Variants in GALNT18 observed in about 807,000 individuals in gnomAD.
The protein encoded by GALNT18 is GalNAc-transferase 18.
Under a neutral mutation model 69.5 loss-of-function variants are expected in GALNT18, and 44 were observed. The observed-to-expected ratio is 0.63, with a 90% CI of 0.50 to 0.81. The LOEUF is 0.81. Among genes scored for constraint, GALNT18 ranks in the 40% least tolerant of loss-of-function variants. The pLI, the probability that GALNT18 is intolerant of heterozygous loss-of-function variation, is 0.00. For synonymous variants in GALNT18, 364 were observed against 318.2 expected, an observed-to-expected ratio of 1.14 and a Z score of -1.53; for missense variants, 715 against 810.0, an observed-to-expected ratio of 0.88 and a Z score of 1.42.
chr11:11,418,196 G>A (rs1854910513), intron 3 of GALNT18, among the ~76,000 whole-genome samples: 2 of 152,150 alleles, frequency 1.3e-5, no homozygotes, highest in Admixed American at 1.3e-4. Flanking sequence ...AGCCCTCATG[G>A]GGCATACAGC....
intron 1 of GALNT18, among the ~76,000 whole-genome samples, chr11:11,579,456 T>A (rs1162090628): frequency 6.6e-6 from 1 of 152,154 alleles, no homozygotes; most frequent in Non-Finnish European, 1.5e-5. Context: ...CAAACCTCAA[T>A]ATATAATACA....
In GALNT18 at chr11:11,601,951, G is replaced by A. The variant is rs2133946889; in HGVS notation, c.235+19408C>T. 6.6e-6 allele frequency among the ~76,000 whole-genome samples: 1 copy of A among 152,232 alleles called. No individual in the cohort carries two copies. Among genetic ancestry groups the A allele is most frequent in the East Asian group, 1.9e-4 (1 of 5,180 alleles). ...ACTTACTGTGCTAGGTCGTCTAGCT[G>A]GCCTACTCTGTTTGTTTTGTTGCTA... On this transcript the variant is annotated intron_variant, in intron 1 of 10. Coordinates refer to ENST00000227756, the MANE Select transcript of GALNT18 (RefSeq NM_198516.3). The surrounding 1 kb of genome is among the most constrained non-coding windows in gnomAD (Gnocchi z 4.0).
At chr11:11,422,287 T>C (rs895216286) in intron 3 of GALNT18, among the ~76,000 whole-genome samples, 4 of 152,186 alleles carry the variant, frequency 2.6e-5, no homozygotes, top group African/African-American at 9.7e-5. Flanking sequence ...AGGCCTGGTA[T>C]AGGATGTGGC....
At chr11:11,594,685 C>T (rs1859443571) in intron 1 of GALNT18, among the ~76,000 whole-genome samples, 1 of 151,758 alleles carries the variant, frequency 6.6e-6, no homozygotes, top group East Asian at 1.9e-4. Flanking sequence ...CATAGATATA[C>T]CATATTTGTT....
intron 10 of GALNT18, among the ~76,000 whole-genome samples, chr11:11,292,211 G>T (rs1038178947): frequency 6.6e-6 from 1 of 152,084 alleles, no homozygotes; most frequent in Non-Finnish European, 1.5e-5. Flanking sequence ...TGTTATTAAC[G>T]CTTTACCTGC....
At position 11,318,193 on chromosome 11, in the gene GALNT18, C is replaced by A. The variant is rs547142671; in HGVS notation, c.1512+8893G>T. Among the ~76,000 whole-genome samples the A allele has an allele frequency of 6.6e-6, 1 of 152,302 alleles. No homozygotes were observed. Among genetic ancestry groups the A allele is most frequent in the East Asian group, 1.9e-4 (1 of 5,180 alleles). ...TGAGAGTCAGGTTTCCATTTCCACT[C>A]TTCCCATTTGGAGGTGAACTGGGTT... On this transcript the variant is annotated intron_variant, in intron 9 of 10. Transcript: ENST00000227756. This position sits in a 1 kb window ranked among gnomAD's most constrained non-coding sequence, Gnocchi z 5.1.
At chr11:11,506,292 CAA>C (rs1857068651) in intron 1 of GALNT18, among the ~76,000 whole-genome samples, 1 of 152,160 alleles carries the variant, frequency 6.6e-6, no homozygotes. Flanking sequence ...ATGTATTTTG[CAA>C]AAGAGAAACC....
At chr11:11,527,649 A>G (rs888747626) in intron 1 of GALNT18, among the ~76,000 whole-genome samples, 1 of 152,218 alleles carries the variant, frequency 6.6e-6, no homozygotes, top group Non-Finnish European at 1.5e-5. Flanking sequence ...CTAAGTCTAA[A>G]TGTATTTATA....
chr11:11,532,795 G>A (rs1390059497), intron 1 of GALNT18, among the ~76,000 whole-genome samples: 1 of 152,186 alleles, frequency 6.6e-6, no homozygotes, highest in African/African-American at 2.4e-5. Flanking sequence ...GTTGAGAATT[G>A]GAGCCTCAGA....
chr11:11,313,195 T>C (rs1849698747), intron 9 of GALNT18, among the ~76,000 whole-genome samples: 1 of 152,076 alleles, frequency 6.6e-6, no homozygotes, highest in East Asian at 1.9e-4. Flanking sequence ...AGTGGGGAGA[T>C]GAGTACCCCA....
Position 11,320,228 on chromosome 11 carries a change from G to A in GALNT18, c.1512+6858C>T, listed in dbSNP as rs1214173358. Among the ~76,000 whole-genome samples, 2 of 152,148 alleles carry A rather than the reference G, an allele frequency of 1.3e-5. No individual in the cohort carries two copies. Among genetic ancestry groups the A allele is most frequent in the Non-Finnish European group, 2.9e-5 (2 of 68,028 alleles). The stretch of plus-strand genomic sequence containing the variant: ...TCCTATCAAGTGTGATGCTTAGGGA[G>A]GAATATGTAAGTTTTCATAGAAGAG... On this transcript the variant is annotated intron_variant, in intron 9 of 10. Transcript: ENST00000227756. This position sits in a 1 kb window ranked among gnomAD's most constrained non-coding sequence, Gnocchi z 4.9.
intron 9 of GALNT18, among the ~76,000 whole-genome samples, chr11:11,296,861 C>T (rs1220385139): frequency 2.0e-5 from 3 of 152,168 alleles, no homozygotes; most frequent in Non-Finnish European, 4.4e-5. Context: ...TTTCTCAAGT[C>T]CTCACATGGA....
Position 11,546,468 on chromosome 11 carries a change from T to C in GALNT18, c.235+74891A>G, listed in dbSNP as rs567284181. ...CCTGTACTTGAGGACATCCCAGCGC[T>C]TATCATCTCAGAACCTACAATCCCG... On this transcript the variant is annotated intron_variant, in intron 1 of 10. Coordinates refer to ENST00000227756, the MANE Select transcript of GALNT18 (RefSeq NM_198516.3). The surrounding 1 kb of genome is among the most constrained non-coding windows in gnomAD (Gnocchi z 5.8). 4.2e-4 allele frequency among the ~76,000 whole-genome samples: 64 copies of C among 152,322 alleles called. No individual in the cohort carries two copies. The highest frequency in any genetic ancestry group is 7.6e-4 in the Non-Finnish European group (52 of 68,034).
intron 10 of GALNT18, among the ~76,000 whole-genome samples, chr11:11,285,650 T>C (rs1744781604): frequency 6.6e-6 from 1 of 152,238 alleles, no homozygotes; most frequent in Non-Finnish European, 1.5e-5. Context: ...CATGAAAGGC[T>C]GTTTTATTCT....
In GALNT18 at chr11:11,505,163, A is replaced by G. The variant is rs1253728862; in HGVS notation, c.236-56227T>C. ...TGAGTGGAGTTCAGTAGATGAACAC[A>G]GGGAAAGGATGTTCCAGGCAGAGTA... On this transcript the variant is annotated intron_variant, in intron 1 of 10. Transcript: ENST00000227756. This position sits in a 1 kb window ranked among gnomAD's most constrained non-coding sequence, Gnocchi z 4.6. Among the ~76,000 whole-genome samples the G allele has an allele frequency of 6.6e-6, 1 of 152,246 alleles. No homozygotes were observed. Among genetic ancestry groups the G allele is most frequent in the Non-Finnish European group, 1.5e-5 (1 of 68,032 alleles).
rs750266 is a variant in GALNT18 at position 11,332,292 on chromosome 11, G to A, written c.1416+402C>T. Among the ~76,000 whole-genome samples, 75,491 of 151,678 alleles carry A rather than the reference G, an allele frequency of 0.5. 18,929 individuals are homozygous for A. Among genetic ancestry groups the A allele is most frequent in the Middle Eastern group, 0.54 (159 of 292 alleles). On this transcript the variant is annotated intron_variant, in intron 8 of 10. Transcript: ENST00000227756. This position sits in a 1 kb window ranked among gnomAD's most constrained non-coding sequence, Gnocchi z 4.3. ...CTCTTCTCAGGGAGGCTCTGCATGC[G>A]AGTGGGAGGCATTAGCTCCTTGGTC...
chr11:11,327,102 T>C lies in GALNT18; in HGVS notation c.1496A>G (p.His499Arg). ...AGGACTCACCTGAGGCGTCATCCCA[T>C]GGCAGATGTACATGATGGGGACATT... ...TENVPIMYIC[H>R]GMTPQNVYYT... is the part of the protein sequence containing the mutation. The change falls in exon 9 of 11, where the codon CAT (histidine) becomes CGT (arginine). Residue 499 changes from histidine (H) to arginine (R), a missense_variant. Physicochemically the swap from His to Arg is conservative, Grantham distance 29. Transcript: ENST00000227756. The C allele has an allele frequency of 6.2e-7, 1 of 1,613,428 alleles. No individual in the cohort carries two copies. Among genetic ancestry groups the C allele is most frequent in the South Asian group, 1.1e-5 (1 of 91,060 alleles).
At chr11:11,549,938 A>G (rs1010148208) in intron 1 of GALNT18, among the ~76,000 whole-genome samples, 1 of 152,240 alleles carries the variant, frequency 6.6e-6, no homozygotes, top group Non-Finnish European at 1.5e-5. Context: ...TGCTTTCTCA[A>G]AAAGCCAAGC....
At chr11:11,417,683 G>A (rs748794072) in intron 3 of GALNT18, among the ~76,000 whole-genome samples, 1 of 152,036 alleles carries the variant, frequency 6.6e-6, no homozygotes, top group African/African-American at 2.4e-5. Context: ...GCCTTGCATC[G>A]GCCCACATCC....
Sources: gnomAD v4.1 joint callset for allele counts (sites outside exome capture counted in the v4.1 genomes callset) on GRCh38, gnomAD v4.1.1 for gene constraint, Gnocchi (gnomAD v3.1) non-coding constraint, MANE v1.5 for transcripts, NCBI Gene and HGNC (gene_info 2026-07-23, HGNC 2026-07-21) for gene names.